The following DENND1B variants were observed in gnomAD, a reference collection of about 807,000 sequenced individuals.
DENND1B encodes DENN domain containing 1B.
Under a neutral mutation model 90.1 loss-of-function variants are expected in DENND1B, and 59 were observed. The observed-to-expected ratio is 0.65, with a 90% CI of 0.53 to 0.81. DENND1B has a LOEUF of 0.81. Ranked by LOEUF, DENND1B falls within the 40% of genes least tolerant of loss-of-function variation. The pLI is 0.00. For synonymous variants in DENND1B, 337 were observed against 324.6 expected (o/e 1.04, Z -0.41); for missense variants, 862 against 912.6 (o/e 0.94, Z 0.71).
intron 2 of DENND1B, among the ~76,000 whole-genome samples, chr1:197,732,601 C>T (rs906293965): frequency 1.3e-5 from 2 of 152,162 alleles, no homozygotes; most frequent in Admixed American, 6.5e-5. Flanking sequence ...ATATAAGCTG[C>T]TGCTTCCCCA....
At chr1:197,754,526 T>C (rs1035906199) in intron 2 of DENND1B, among the ~76,000 whole-genome samples, 5 of 151,784 alleles carry the variant, frequency 3.3e-5, no homozygotes, top group African/African-American at 1.2e-4. Context: ...GATGTGGTGG[T>C]GCACACCTGT....
intron 10 of DENND1B, among the ~76,000 whole-genome samples, chr1:197,640,761 T>A (rs1435951477): frequency 6.6e-6 from 1 of 152,224 alleles, no homozygotes; most frequent in African/African-American, 2.4e-5. Flanking sequence ...CAGTAGCTTA[T>A]GCTTCACTCA....
In DENND1B at chr1:197,505,376, C is replaced by T. The variant is rs1667681982; in HGVS notation, c.*5084G>A. ...TTTGATAATGGACCTCAACAAGGCTCACATTTGAGAAATGAAATAACAGAG... is the reference window on the plus strand; with the variant it reads ...TTTGATAATGGACCTCAACAAGGCTTACATTTGAGAAATGAAATAACAGAG... On this transcript the variant is annotated 3_prime_UTR_variant, in exon 23 of 23. Transcript: ENST00000620048. 1 of 150,806 alleles carries T rather than the reference C, an allele frequency of 6.6e-6. No individual in the cohort carries two copies. Among genetic ancestry groups the T allele is most frequent in the African/African-American group, 2.4e-5 (1 of 41,048 alleles). 9.3% of individuals were successfully genotyped at this position (150,806 alleles called of 1,614,324 possible). A position where few individuals can be genotyped will look rare whatever the true frequency, so the allele number is the denominator to read the frequency against.
At chr1:197,558,357 C>T (rs940500167) in intron 15 of DENND1B, among the ~76,000 whole-genome samples, 11 of 151,510 alleles carry the variant, frequency 7.3e-5, no homozygotes, top group African/African-American at 2.4e-4. Flanking sequence ...AATAATAATA[C>T]ATGTAATTCT....
Position 197,647,124 on chromosome 1 carries a change from C to T in DENND1B, c.448-10G>A. The T allele has an allele frequency of 7.0e-7, 1 of 1,429,214 alleles. No individual in the cohort carries two copies. The highest frequency in any genetic ancestry group is 9.1e-7 in the Non-Finnish European group (1 of 1,097,220). The allele number at this position is 1,429,214 out of a possible 1,614,324, so 88.5% of individuals were successfully genotyped here. A position where few individuals can be genotyped will look rare whatever the true frequency, so the allele number is the denominator to read the frequency against. ...TAAATATCTCTTGGTTCTTATAATACATGAGAGAAAAAAATGAATATTTTA... is the reference window on the plus strand; with the variant it reads ...TAAATATCTCTTGGTTCTTATAATATATGAGAGAAAAAAATGAATATTTTA... On this transcript the variant is annotated splice_polypyrimidine_tract_variant and intron_variant, in intron 7 of 22. Transcript: ENST00000620048.
intron 3 of DENND1B, among the ~76,000 whole-genome samples, chr1:197,697,886 G>T (rs2102134219): frequency 6.6e-6 from 1 of 152,186 alleles, no homozygotes; most frequent in East Asian, 1.9e-4. Flanking sequence ...AAATATATAT[G>T]CACCCAATAT....
At chr1:197,555,651 T>A (rs1017772561) in intron 15 of DENND1B, among the ~76,000 whole-genome samples, 27 of 152,082 alleles carry the variant, frequency 1.8e-4, no homozygotes, top group African/African-American at 6.3e-4. Flanking sequence ...AAAACCACAA[T>A]GAGATACCAC....
chr1:197,608,924 T>C (rs902308128), intron 12 of DENND1B, among the ~76,000 whole-genome samples: 1 of 150,504 alleles, frequency 6.6e-6, no homozygotes, highest in Non-Finnish European at 1.5e-5. Flanking sequence ...TTCCCTAATA[T>C]GAAAATAATT....
At chr1:197,610,602 CT>C (rs907527019) in intron 12 of DENND1B, among the ~76,000 whole-genome samples, 7 of 150,586 alleles carry the variant, frequency 4.6e-5, no homozygotes, top group African/African-American at 1.7e-4. Flanking sequence ...AATTTGATGA[CT>C]TTTTAGAAGA....
In DENND1B at chr1:197,740,735, T is replaced by C. The variant is rs572210179; in HGVS notation, c.83-25661A>G. Among the ~76,000 whole-genome samples the C allele has an allele frequency of 5.6e-4, 86 of 152,304 alleles. 2 individuals are homozygous for C. The South Asian group carries it at 0.017, about 31-fold the overall frequency. ...AGGAAAAATGATTTATGCAAGATCA[T>C]ATAACTAGTTGTTGGTTCAGGCAGA... On this transcript the variant is annotated intron_variant, in intron 2 of 22. Coordinates refer to ENST00000620048, the MANE Select transcript of DENND1B (RefSeq NM_001195215.2).
At chr1:197,671,271 G>A (rs1196004139) in intron 5 of DENND1B, among the ~76,000 whole-genome samples, 3 of 152,102 alleles carry the variant, frequency 2.0e-5, no homozygotes, top group Non-Finnish European at 4.4e-5. Context: ...TGATTCATCA[G>A]GACATATTGC....
intron 20 of DENND1B, among the ~76,000 whole-genome samples, chr1:197,529,203 GATATATATATATATATATATATATAT>G (rs71131771): frequency 4.3e-5 from 5 of 117,354 alleles, no homozygotes; most frequent in African/African-American, 1.5e-4. Flanking sequence ...AGTTAAGAGT[GATATATATATATATATATATATATAT>G]ATATATATAT....
At chr1:197,715,515 T>C (rs1188484273) in intron 2 of DENND1B, among the ~76,000 whole-genome samples, 1 of 151,834 alleles carries the variant, frequency 6.6e-6, no homozygotes, top group African/African-American at 2.4e-5. Context: ...AAATACACCT[T>C]AAATATCCAT....
rs751730245 is a variant in DENND1B, at chr1:197,505,211, A to T, written c.*5249T>A. The T allele has an allele frequency of 3.3e-5, 5 of 151,718 alleles. No homozygotes were observed. Among genetic ancestry groups the T allele is most frequent in the Non-Finnish European group, 1.5e-5 (1 of 67,788 alleles). 9.4% of individuals were successfully genotyped at this position (151,718 alleles called of 1,614,324 possible). On this transcript the variant is annotated 3_prime_UTR_variant, in exon 23 of 23. Coordinates refer to ENST00000620048, the MANE Select transcript of DENND1B (RefSeq NM_001195215.2). ...ACTCAAGAAATCCACTTTTTCAAAT[A>T]TGATTATTAAATGGCTCTCAAAATA...
At chr1:197,521,218 T>C (rs565608805) in intron 20 of DENND1B, among the ~76,000 whole-genome samples, 2 of 151,978 alleles carry the variant, frequency 1.3e-5, no homozygotes, top group East Asian at 3.9e-4. Flanking sequence ...GTAAGCAAAA[T>C]AAATCTTTCT....
At chr1:197,589,778 C>T (rs1357314591) in intron 14 of DENND1B, among the ~76,000 whole-genome samples, 1 of 152,118 alleles carries the variant, frequency 6.6e-6, no homozygotes, top group African/African-American at 2.4e-5. Flanking sequence ...CTTAAAGTAA[C>T]TTATTTTTTA....
intron 2 of DENND1B, among the ~76,000 whole-genome samples, chr1:197,736,568 C>T (rs966807268): frequency 4.6e-5 from 7 of 152,272 alleles, no homozygotes; most frequent in African/African-American, 1.7e-4. Flanking sequence ...GAATTCCTGG[C>T]CTGAAGCAAT....
At chr1:197,659,442 G>C (rs1394688759) in intron 5 of DENND1B, among the ~76,000 whole-genome samples, 1 of 151,814 alleles carries the variant, frequency 6.6e-6, no homozygotes, top group African/African-American at 2.4e-5. Context: ...TATTTAAAAT[G>C]ATAATTACAA....
intron 10 of DENND1B, among the ~76,000 whole-genome samples, chr1:197,622,753 C>T (rs759263550): frequency 7.9e-5 from 12 of 151,398 alleles, no homozygotes; most frequent in Non-Finnish European, 1.3e-4. Context: ...ATGAGTACAC[C>T]TAAGTTTGAA....
Sources: gnomAD v4.1 joint callset for allele counts (sites outside exome capture counted in the v4.1 genomes callset) on GRCh38, gnomAD v4.1.1 for gene constraint, MANE v1.5 for transcripts, NCBI Gene and HGNC (gene_info 2026-07-23, HGNC 2026-07-21) for gene names.